Variants in STON2 observed in about 807,000 individuals in gnomAD.
The protein encoded by STON2 is stonin-2.
A neutral mutation model predicts 65.7 loss-of-function variants in STON2; 29 were observed. The observed-to-expected ratio is 0.44, with a 90% CI of 0.33 to 0.60. STON2 has a LOEUF of 0.60. STON2 is among the 20% of genes least tolerant of loss of function. STON2 has a pLI of 0.03. For synonymous variants in STON2, 404 were observed against 414.2 expected (o/e 0.98, Z 0.30); for missense variants, 1,054 against 1,118.1 (o/e 0.94, Z 0.82).
intron 4 of STON2, among the ~76,000 whole-genome samples, chr14:81,361,425 T>G (rs1898488788): frequency 1.3e-5 from 2 of 152,114 alleles, no homozygotes; most frequent in African/African-American, 2.4e-5. Context: ...ATAAATGGTG[T>G]TGGGGAAACT....
chr14:81,313,598 C>G lies in STON2; in HGVS notation c.742+10419G>C, dbSNP rs374750704. The stretch of plus-strand genomic sequence containing the variant: ...TCACTTGAGGTCAGGAGTTTGAGAC[C>G]AGCCTGGCCAACATAGTGAAGCCCC... On this transcript the variant is annotated intron_variant, in intron 5 of 7. Coordinates refer to ENST00000614646, the MANE Select transcript of STON2 (RefSeq NM_001394390.1). 1.9e-3 allele frequency among the ~76,000 whole-genome samples: 284 copies of G among 152,060 alleles called. 1 individual carries two copies. Among genetic ancestry groups the G allele is most frequent in the African/African-American group, 6.5e-3 (268 of 41,490 alleles).
chr14:81,352,040 A>T (rs1260707441), intron 4 of STON2, among the ~76,000 whole-genome samples: 1 of 152,208 alleles, frequency 6.6e-6, no homozygotes, highest in African/African-American at 2.4e-5. Context: ...AGTATATATT[A>T]AAATACTTAT....
chr14:81,425,234 G>T (rs1901909090), intron 2 of STON2, among the ~76,000 whole-genome samples: 1 of 152,172 alleles, frequency 6.6e-6, no homozygotes, highest in Non-Finnish European at 1.5e-5. Flanking sequence ...AAATAAAATG[G>T]ATTAGAGGAA....
chr14:81,322,699 C>T (rs976636718), intron 5 of STON2, among the ~76,000 whole-genome samples: 6 of 152,168 alleles, frequency 3.9e-5, no homozygotes, highest in Non-Finnish European at 1.5e-5. Flanking sequence ...GAAATTTTCA[C>T]CCTACCTGTG....
At chr14:81,305,851 T>A (rs373374991) in intron 5 of STON2, among the ~76,000 whole-genome samples, 1 of 152,062 alleles carries the variant, frequency 6.6e-6, no homozygotes, top group South Asian at 2.1e-4. Flanking sequence ...TGTAGTCACA[T>A]GCTAACCCAA....
In STON2 at chr14:81,262,994, T is replaced by C. The variant is rs1894210966; in HGVS notation, c.*5420A>G. On this transcript the variant is annotated 3_prime_UTR_variant, in exon 8 of 8. Transcript: ENST00000614646. Reference sequence around the variant, plus strand: ...CTTGGTAATGTTTAGAAATCATCTTTAGAAACTTGGTGAGAATGCCCTAAT... The same window carrying C: ...CTTGGTAATGTTTAGAAATCATCTTCAGAAACTTGGTGAGAATGCCCTAAT... 1.0e-6 allele frequency: 1 copy of C among 985,340 alleles called. No homozygotes were observed. Among genetic ancestry groups the C allele is most frequent in the African/African-American group, 1.7e-5 (1 of 57,262 alleles). 61.0% of individuals were successfully genotyped at this position (985,340 alleles called of 1,614,324 possible). A position where few individuals can be genotyped will look rare whatever the true frequency, so the allele number is the denominator to read the frequency against.
intron 4 of STON2, among the ~76,000 whole-genome samples, chr14:81,368,948 C>T (rs932255530): frequency 1.3e-5 from 2 of 152,292 alleles, no homozygotes; most frequent in East Asian, 3.9e-4. Flanking sequence ...CTCAGATCCA[C>T]TCTATCTGCT....
chr14:81,264,141 T>TC lies in STON2; in HGVS notation c.*4272_*4273insG, dbSNP rs1894269359. ...GCAGGAACAAAGCAATCAATCACCG[T>TC]GACTATGGACAGCATCTATGCTACT... On this transcript the variant is annotated 3_prime_UTR_variant, in exon 8 of 8. Coordinates refer to ENST00000614646, the MANE Select transcript of STON2 (RefSeq NM_001394390.1). 1.0e-6 allele frequency: 1 copy of TC among 985,394 alleles called. No homozygotes were observed. The highest frequency in any genetic ancestry group is 1.7e-5 in the African/African-American group (1 of 57,352). 61.0% of individuals were successfully genotyped at this position (985,394 alleles called of 1,614,324 possible).
At chr14:81,356,657 A>G (rs1258347301) in intron 4 of STON2, among the ~76,000 whole-genome samples, 1 of 152,096 alleles carries the variant, frequency 6.6e-6, no homozygotes, top group Non-Finnish European at 1.5e-5. Flanking sequence ...TTTGGTTGGT[A>G]AGCTATTGAT....
At chr14:81,356,148 C>G (rs565123259) in intron 4 of STON2, among the ~76,000 whole-genome samples, 2 of 152,154 alleles carry the variant, frequency 1.3e-5, no homozygotes, top group Non-Finnish European at 2.9e-5. Flanking sequence ...GTGGGTTTGT[C>G]ATAGATAGCT....
At chr14:81,335,633 A>C (rs1231463055) in intron 4 of STON2, among the ~76,000 whole-genome samples, 2 of 152,208 alleles carry the variant, frequency 1.3e-5, no homozygotes, top group African/African-American at 4.8e-5. Context: ...CAAAGACGTA[A>C]GTTGGAAGAA....
chr14:81,265,685 CAATAATAAT>C lies in STON2; in HGVS notation c.*2720_*2728del, dbSNP rs924422707. 1 of 305,412 alleles carries C rather than the reference CAATAATAAT, an allele frequency of 3.3e-6. No individual in the cohort carries two copies. The highest frequency in any genetic ancestry group is 2.3e-5 in the African/African-American group (1 of 42,682). The allele number at this position is 305,412 out of a possible 1,614,324, so 18.9% of individuals were successfully genotyped here. ...TAATAATAATAATAATACTCTGTCT[CAATAATAAT>C]AATAATAATAATTTGTTTGCAGAAT... is the stretch of plus-strand genomic sequence containing the variant. On this transcript the variant is annotated 3_prime_UTR_variant, in exon 8 of 8. Coordinates refer to ENST00000614646, the MANE Select transcript of STON2 (RefSeq NM_001394390.1).
chr14:81,331,498 T>C (rs1250370854), intron 4 of STON2, among the ~76,000 whole-genome samples: 3 of 152,120 alleles, frequency 2.0e-5, no homozygotes, highest in East Asian at 1.9e-4. Context: ...TCAATACTAC[T>C]GGGAGGGGGG....
At chr14:81,276,112 A>G (rs986790272) in intron 6 of STON2, among the ~76,000 whole-genome samples, 1 of 152,230 alleles carries the variant, frequency 6.6e-6, no homozygotes, top group Non-Finnish European at 1.5e-5. Flanking sequence ...AAATATGTGT[A>G]TTAGTGCTGG....
intron 3 of STON2, among the ~76,000 whole-genome samples, chr14:81,371,679 A>C (rs1250461989): frequency 1.3e-5 from 2 of 149,920 alleles, no homozygotes; most frequent in Non-Finnish European, 1.5e-5. Flanking sequence ...CTGAGTCTAA[A>C]AAAAAAAAAA....
chr14:81,348,165 T>C (rs1474496991), intron 4 of STON2, among the ~76,000 whole-genome samples: 1 of 151,898 alleles, frequency 6.6e-6, no homozygotes, highest in Non-Finnish European at 1.5e-5. Flanking sequence ...CAGCTAAGAA[T>C]GAAGAAAAGC....
rs1352944141 is a variant in STON2, at chr14:81,371,040, G to A, written c.519C>T (p.Leu173=). ...SFGCSYTDLQ[L]INAEEQTSGQ... The stretch of plus-strand genomic sequence containing the variant: ...CACTCGTCTGCTCCTCAGCATTGAT[G>A]AGCTGCAGATCTGTATACGAACATC... Residue 173 remains leucine, a synonymous_variant, in exon 4 of 8, where the codon CTC becomes CTT. Coordinates refer to ENST00000614646, the MANE Select transcript of STON2 (RefSeq NM_001394390.1). The A allele has an allele frequency of 1.2e-5, 19 of 1,613,708 alleles. No homozygotes were observed. Among genetic ancestry groups the A allele is most frequent in the Non-Finnish European group, 1.6e-5 (19 of 1,180,012 alleles).
At chr14:81,410,739 A>C (rs1274745498) in intron 2 of STON2, among the ~76,000 whole-genome samples, 2 of 152,198 alleles carry the variant, frequency 1.3e-5, no homozygotes, top group Non-Finnish European at 2.9e-5. Context: ...TACATAAACC[A>C]AGAAAATCTC....
In STON2 at chr14:81,277,153, G is replaced by C. The variant is rs752934997; in HGVS notation, c.2329C>G (p.Leu777Val). ...STGFSANRDP[L>V]TQVPCENVMI... ...ACATTCTCACAGGGAACCTGAGTGA[G>C]GGGGTCACGATTGGCGGAGAAGCCA... Residue 777 changes from leucine to valine, a missense_variant, in exon 6 of 8, where the codon CTC becomes GTC. Coordinates refer to ENST00000614646, the MANE Select transcript of STON2 (RefSeq NM_001394390.1). 59 of 1,614,112 alleles carry C rather than the reference G, an allele frequency of 3.7e-5. No homozygotes were observed. The highest frequency in any genetic ancestry group is 4.6e-5 in the Non-Finnish European group (54 of 1,180,050).
Sources: allele counts gnomAD v4.1 joint callset (sites outside exome capture counted in the v4.1 genomes callset), GRCh38; gene constraint gnomAD v4.1.1; transcripts MANE v1.5; gene names NCBI Gene and HGNC (gene_info 2026-07-23, HGNC 2026-07-21).